The following SH3RF3 variants were observed in gnomAD, a reference collection of about 807,000 sequenced individuals.
SH3RF3 encodes SH3 domain containing ring finger 3.
SH3RF3 carries 29 observed loss-of-function variants against 66.3 expected under a neutral mutation model. The ratio of observed to expected loss-of-function variants is 0.44; its 90% CI spans 0.33 to 0.60. SH3RF3 has a LOEUF of 0.60. SH3RF3 is among the 20% of genes least tolerant of loss of function. The pLI is 0.04. For synonymous variants in SH3RF3, 583 were observed against 532.0 expected, an observed-to-expected ratio of 1.10 and a Z score of -1.32; for missense variants, 1,194 against 1,190.9, an observed-to-expected ratio of 1.00 and a Z score of -0.04.
At chr2:109,316,258 G>T (rs1681878142) in intron 1 of SH3RF3, among the ~76,000 whole-genome samples, 1 of 152,196 alleles carries the variant, frequency 6.6e-6, no homozygotes, top group Non-Finnish European at 1.5e-5. Flanking sequence ...CTCCAACTGG[G>T]CTATCAGTGC....
rs149461434 is a variant in SH3RF3 at position 109,366,932 on chromosome 2, G to C, written c.850-4654G>C. On this transcript the variant is annotated intron_variant, in intron 2 of 9. Coordinates refer to ENST00000309415, the MANE Select transcript of SH3RF3 (RefSeq NM_001099289.3). ...AGGTAAGCTGAAATACCAGCGATCA[G>C]GACTGGGATTCGTTTTTTGAATTTA... Among the ~76,000 whole-genome samples the C allele has an allele frequency of 1.1e-3, 166 of 152,292 alleles. No homozygotes were observed. In the Middle Eastern group the frequency reaches 0.027, roughly 25 times the overall value.
intron 1 of SH3RF3, among the ~76,000 whole-genome samples, chr2:109,156,638 G>T (rs1677353838): frequency 6.6e-6 from 1 of 152,078 alleles, no homozygotes; most frequent in Non-Finnish European, 1.5e-5. Context: ...TAGAGATGGG[G>T]TTTCACCATG....
intron 1 of SH3RF3, among the ~76,000 whole-genome samples, chr2:109,273,103 T>C (rs1268537919): frequency 6.6e-6 from 1 of 152,250 alleles, no homozygotes; most frequent in Non-Finnish European, 1.5e-5. Flanking sequence ...GAAGAGATAC[T>C]GGTTCTTGAT....
chr2:109,370,154 G>A (rs1301362225), intron 2 of SH3RF3, among the ~76,000 whole-genome samples: 1 of 152,144 alleles, frequency 6.6e-6, no homozygotes, highest in Non-Finnish European at 1.5e-5. Context: ...AGGCCCCTTG[G>A]AGTGGCACCC....
chr2:109,368,834 A>G (rs1574601709), intron 2 of SH3RF3, among the ~76,000 whole-genome samples: 2 of 151,948 alleles, frequency 1.3e-5, no homozygotes, highest in South Asian at 4.1e-4. Flanking sequence ...TGCTGTTGTG[A>G]CAGCTCTGAT....
chr2:109,379,693 C>T (rs1348399796), intron 3 of SH3RF3, among the ~76,000 whole-genome samples: 1 of 152,188 alleles, frequency 6.6e-6, no homozygotes, highest in South Asian at 2.1e-4. Flanking sequence ...ATCCCCCAGC[C>T]TTAGTGTGGA....
chr2:109,138,011 C>T (rs1330299836), intron 1 of SH3RF3, among the ~76,000 whole-genome samples: 2 of 152,080 alleles, frequency 1.3e-5, no homozygotes, highest in Admixed American at 1.3e-4. Flanking sequence ...ACATTTATTT[C>T]GCAGATCAAA....
At position 109,471,170 on chromosome 2, in the gene SH3RF3, G is replaced by A. The variant is rs75629400; in HGVS notation, c.2149-19435G>A. ...AGAGTTTGCAATGAGCCGAGATCGTGCCATTGCACTCCAGCCTGGGCGACA... is the reference window on the plus strand; with the variant it reads ...AGAGTTTGCAATGAGCCGAGATCGTACCATTGCACTCCAGCCTGGGCGACA... On this transcript the variant is annotated intron_variant, in intron 8 of 9. Transcript: ENST00000309415. 3.7e-3 allele frequency among the ~76,000 whole-genome samples: 498 copies of A among 134,604 alleles called. 18 individuals are homozygous for A. In the East Asian group the frequency reaches 0.068, roughly 18 times the overall value. 88.3% of individuals were successfully genotyped at this position (134,604 alleles called of 152,430 possible).
intron 5 of SH3RF3, 142 bp from the exon 6 acceptor site, chr2:109,432,359 T>A: frequency 9.2e-7 from 1 of 1,083,826 alleles, no homozygotes; most frequent in South Asian, 1.6e-5. Context: ...GTGAGGCCTC[T>A]GTAAACTGCA....
chr2:109,430,132 C>A (rs576777948), intron 5 of SH3RF3, among the ~76,000 whole-genome samples: 1 of 152,334 alleles, frequency 6.6e-6, no homozygotes, highest in Admixed American at 6.5e-5. Flanking sequence ...GGAAAGGCAG[C>A]CCCGGACCCC....
Position 109,151,731 on chromosome 2 carries a change from A to AG in SH3RF3, c.573+21619dup, listed in dbSNP as rs540946526. Among the ~76,000 whole-genome samples, 906 of 152,370 alleles carry AG rather than the reference A, an allele frequency of 5.9e-3. 11 individuals carry two copies. Among genetic ancestry groups the AG allele is most frequent in the African/African-American group, 0.021 (853 of 41,584 alleles). On this transcript the variant is annotated intron_variant, in intron 1 of 9. Transcript: ENST00000309415. ...AGGTGGCTGCTGTATGGAAAGGCTC[A>AG]GCTCTGACGGATCAGACCACTTCAG... is the stretch of plus-strand genomic sequence containing the variant.
chr2:109,201,279 C>T (rs189199345), intron 1 of SH3RF3, among the ~76,000 whole-genome samples: 154 of 152,334 alleles, frequency 1.0e-3, no homozygotes, highest in African/African-American at 3.4e-3. Context: ...GTATTTGAAG[C>T]CTTTCACAGA....
At chr2:109,374,118 C>T (rs923178423) in intron 3 of SH3RF3, among the ~76,000 whole-genome samples, 30 of 152,170 alleles carry the variant, frequency 2.0e-4, no homozygotes, top group African/African-American at 3.1e-4. Context: ...GCCCCCACAC[C>T]CCCTCACAGG....
chr2:109,136,468 A>G (rs1442035289), intron 1 of SH3RF3, among the ~76,000 whole-genome samples: 1 of 152,196 alleles, frequency 6.6e-6, no homozygotes, highest in Non-Finnish European at 1.5e-5. Flanking sequence ...CAGGCACCCC[A>G]TAATGTGAGC....
chr2:109,297,821 C>G (rs573032210), intron 1 of SH3RF3, among the ~76,000 whole-genome samples: 36 of 152,250 alleles, frequency 2.4e-4, no homozygotes, highest in African/African-American at 8.2e-4. Context: ...GTCAGTGCTC[C>G]TCACCAGGAC....
chr2:109,387,704 C>T (rs1388083213), intron 3 of SH3RF3, among the ~76,000 whole-genome samples: 1 of 152,226 alleles, frequency 6.6e-6, no homozygotes, highest in African/African-American at 2.4e-5. Flanking sequence ...ATTCAACGTC[C>T]TCTATGTAAT....
At position 109,377,140 on chromosome 2, in the gene SH3RF3, C is replaced by T. The variant is rs373391173; in HGVS notation, c.945+5459C>T. On this transcript the variant is annotated intron_variant, in intron 3 of 9. Transcript: ENST00000309415. Reference sequence around the variant, plus strand: ...CAGAGCTGTAACTGTTTATTCTTGGCGTTTCCCATTGATTGTCTGTTTCTA... The same window carrying T: ...CAGAGCTGTAACTGTTTATTCTTGGTGTTTCCCATTGATTGTCTGTTTCTA... Among the ~76,000 whole-genome samples, 12 of 152,338 alleles carry T rather than the reference C, an allele frequency of 7.9e-5. No homozygotes were observed. The East Asian group carries it at 9.7e-4, about 12-fold the overall frequency.
intron 2 of SH3RF3, among the ~76,000 whole-genome samples, chr2:109,363,959 CTTG>C (rs779235111): frequency 2.0e-5 from 3 of 152,088 alleles, no homozygotes; most frequent in African/African-American, 7.2e-5. Context: ...ATCTATCCTG[CTTG>C]TTGTTCTCTG....
chr2:109,477,688 G>A (rs901622108), intron 8 of SH3RF3, among the ~76,000 whole-genome samples: 5 of 152,076 alleles, frequency 3.3e-5, no homozygotes, highest in Admixed American at 1.3e-4. Context: ...ACAGTTTTGC[G>A]GGCTGGAAGT....
Sources: gnomAD v4.1 joint callset for allele counts (sites outside exome capture counted in the v4.1 genomes callset) on GRCh38, gnomAD v4.1.1 for gene constraint, MANE v1.5 for transcripts, NCBI Gene and HGNC (gene_info 2026-07-23, HGNC 2026-07-21) for gene names.